PROSER1: variants seen among roughly 807,000 people sequenced by gnomAD.
PROSER1 encodes proline and serine-rich protein 1.
PROSER1 carries 36 observed loss-of-function variants against 71.8 expected under a neutral mutation model. The ratio of observed to expected loss-of-function variants is 0.50; its 90% CI spans 0.38 to 0.66. The LOEUF (loss-of-function observed/expected upper bound fraction) is 0.66, where lower values mean the gene tolerates loss of function less well. Ranked by LOEUF, PROSER1 falls within the 30% of genes least tolerant of loss-of-function variation. PROSER1 has a pLI of 0.00. For missense variants in PROSER1, 1,107 were observed against 1,135.0 expected (o/e 0.98, Z 0.35); for synonymous variants, 490 against 452.4 (o/e 1.08, Z -1.06).
intron 4 of PROSER1, 111 bp downstream of exon 4, chr13:39,029,170 G>T: frequency 1.7e-6 from 1 of 603,980 alleles, no homozygotes. Flanking sequence ...GTACCACTAT[G>T]CTTTTGACTG....
At chr13:39,031,655 CT>C in intron 2 of PROSER1, 24 bp from the exon 3 acceptor site, 1 of 1,590,634 alleles carries the variant, frequency 6.3e-7, no homozygotes, top group Non-Finnish European at 8.6e-7. Flanking sequence ...ACTAACAGCT[CT>C]AATGACAGCA....
chr13:39,023,360 A>T (rs1460560939), intron 7 of PROSER1: 1 of 435,064 alleles, frequency 2.3e-6, no homozygotes, highest in Non-Finnish European at 4.2e-6. Flanking sequence ...GTGGCCAGAG[A>T]TTTTTAAAAT....
intron 8 of PROSER1, chr13:39,022,637 G>A: frequency 2.1e-6 from 1 of 487,166 alleles, no homozygotes; most frequent in Non-Finnish European, 3.7e-6. Context: ...CATGCTCATT[G>A]CAGGGATAAG....
chr13:39,028,041 C>G (rs1249763124), intron 5 of PROSER1, among the ~76,000 whole-genome samples, 186 bp downstream of exon 5: 2 of 152,140 alleles, frequency 1.3e-5, no homozygotes, highest in African/African-American at 4.8e-5. Flanking sequence ...CCATCTCCTC[C>G]CCCTTGAATG....
chr13:39,018,436 T>C (rs1870108655), intron 9 of PROSER1, among the ~76,000 whole-genome samples: 1 of 146,386 alleles, frequency 6.8e-6, no homozygotes, highest in African/African-American at 2.5e-5. Context: ...ACCAGAACAA[T>C]GGAGATTTAA....
intron 3 of PROSER1, among the ~76,000 whole-genome samples, chr13:39,029,774 T>C (rs1870745643): frequency 6.6e-6 from 1 of 152,150 alleles, no homozygotes; most frequent in Non-Finnish European, 1.5e-5. Context: ...GAGGGCTAAG[T>C]ATGCCACAGA....
intron 4 of PROSER1, chr13:39,028,974 T>TTG (rs2138128142): frequency 5.2e-6 from 1 of 191,994 alleles, no homozygotes; most frequent in South Asian, 1.9e-4. Context: ...AAAAAAATTA[T>TTG]TGTGTCAGTA....
rs1871227399 is a variant in PROSER1, at chr13:39,037,893, G to C, written c.-651C>G. 6.6e-6 allele frequency: 1 copy of C among 152,596 alleles called. No individual in the cohort carries two copies. The highest frequency in any genetic ancestry group is 1.5e-5 in the Non-Finnish European group (1 of 68,362). 9.5% of individuals were successfully genotyped at this position (152,596 alleles called of 1,614,324 possible). A position where few individuals can be genotyped will look rare whatever the true frequency, so the allele number is the denominator to read the frequency against. On this transcript the variant is annotated 5_prime_UTR_variant, in exon 1 of 13. Transcript: ENST00000352251. ...TGCAGCTTCCGGGAGCGGGCCGGCGGCTGGGGAGCACCAGGAGCCGGGCGA... is the reference window on the plus strand; with the variant it reads ...TGCAGCTTCCGGGAGCGGGCCGGCGCCTGGGGAGCACCAGGAGCCGGGCGA...
intron 10 of PROSER1, among the ~76,000 whole-genome samples, chr13:39,016,384 G>C (rs1267524030): frequency 6.6e-6 from 1 of 152,166 alleles, no homozygotes; most frequent in Non-Finnish European, 1.5e-5. Context: ...AGATCATGCA[G>C]CTACTACATG....
Position 39,010,743 on chromosome 13 carries a change from A to C in PROSER1, c.*622T>G, listed in dbSNP as rs1869601907. 6.6e-6 allele frequency: 1 copy of C among 152,648 alleles called. No homozygotes were observed. Among genetic ancestry groups the C allele is most frequent in the Non-Finnish European group, 1.5e-5 (1 of 68,042 alleles). The allele number at this position is 152,648 out of a possible 1,614,324, so 9.5% of individuals were successfully genotyped here. On this transcript the variant is annotated 3_prime_UTR_variant, in exon 13 of 13. Coordinates refer to ENST00000352251, the MANE Select transcript of PROSER1 (RefSeq NM_025138.5). The stretch of plus-strand genomic sequence containing the variant: ...GTTCTGGATATATACTTTCAGTTGA[A>C]AACACCTGAAAGTCATTCTATAGTC...
intron 1 of PROSER1, among the ~76,000 whole-genome samples, chr13:39,035,919 T>C (rs1206800678): frequency 6.6e-6 from 1 of 152,226 alleles, no homozygotes; most frequent in East Asian, 1.9e-4. Flanking sequence ...TGACCAGAAA[T>C]ACAGACTTAA....
At position 39,012,167 on chromosome 13, in the gene PROSER1, G is replaced by A; in HGVS notation, c.2628C>T (p.Ile876=). The change falls in exon 12 of 13, where the codon ATC becomes ATT. Residue 876 remains isoleucine (I), a synonymous_variant. Transcript: ENST00000352251. ...VFPGLLSLPG[I]PGFPQNPSQS... is the part of the protein sequence containing the mutation. ...GTGAAGGATTCTGAGGAAACCCAGG[G>A]ATACCCGGGAGGGACAAAAGGCCTG... 6.2e-7 allele frequency: 1 copy of A among 1,613,964 alleles called. No individual in the cohort carries two copies.
In PROSER1 at chr13:39,038,076, G is replaced by T. The variant is rs998795487; in HGVS notation, c.-834C>A. ...AACTCAACACTGCGCCGCCAGCTTG[G>T]GCCCCTCTTTCCTGAAAGCCAGAGG... On this transcript the variant is annotated 5_prime_UTR_variant, in exon 1 of 13. Transcript: ENST00000352251. The T allele has an allele frequency of 6.5e-6, 1 of 153,890 alleles. No individual in the cohort carries two copies. Among genetic ancestry groups the T allele is most frequent in the Admixed American group, 6.5e-5 (1 of 15,494 alleles). The allele number at this position is 153,890 out of a possible 1,614,324, so 9.5% of individuals were successfully genotyped here.
intron 6 of PROSER1, 59 bp from the exon 7 acceptor site, chr13:39,024,615 A>G: frequency 8.6e-7 from 1 of 1,167,904 alleles, no homozygotes; most frequent in South Asian, 1.4e-5. Context: ...TCAAACCAGT[A>G]ACAATAACCA....
At chr13:39,017,324 T>C (rs1455290126) in intron 10 of PROSER1, among the ~76,000 whole-genome samples, 176 bp downstream of exon 10, 1 of 152,244 alleles carries the variant, frequency 6.6e-6, no homozygotes, top group Non-Finnish European at 1.5e-5. Context: ...GCATTTCATG[T>C]TATGTATATA....
rs1870637344 is a variant in PROSER1 at position 39,028,209 on chromosome 13, C to G, written c.369+18G>C. ...AAAAACCAGCGTACCAAGTACATGA[C>G]AATCTTTAGAAAACTACCTGTTCAA... On this transcript the variant is annotated intron_variant, in intron 5 of 12. Coordinates refer to ENST00000352251, the MANE Select transcript of PROSER1 (RefSeq NM_025138.5). 1 of 1,378,082 alleles carries G rather than the reference C, an allele frequency of 7.3e-7. No individual in the cohort carries two copies. The highest frequency in any genetic ancestry group is 1.4e-5 in the African/African-American group (1 of 70,038). 85.4% of individuals were successfully genotyped at this position (1,378,082 alleles called of 1,614,324 possible).
In PROSER1 at chr13:39,011,250, A is replaced by T. The variant is rs189107412; in HGVS notation, c.*115T>A. On this transcript the variant is annotated 3_prime_UTR_variant, in exon 13 of 13. Transcript: ENST00000352251. The stretch of plus-strand genomic sequence containing the variant: ...AAATTGTTGTCACAATTTCTCCAGG[A>T]TTACCCTCATTCTCATTTTCCGACT... 9.6e-7 allele frequency: 1 copy of T among 1,037,374 alleles called. No homozygotes were observed. The highest frequency in any genetic ancestry group is 2.4e-5 in the East Asian group (1 of 41,132). 64.3% of individuals were successfully genotyped at this position (1,037,374 alleles called of 1,614,324 possible). A position where few individuals can be genotyped will look rare whatever the true frequency, so the allele number is the denominator to read the frequency against.
intron 1 of PROSER1, among the ~76,000 whole-genome samples, chr13:39,036,436 A>G (rs887172196): frequency 1.3e-5 from 2 of 152,184 alleles, no homozygotes; most frequent in African/African-American, 2.4e-5. Context: ...CGAAAGAATA[A>G]TTGCCCGGAA....
chr13:39,029,247 TAAA>T (rs34146778), intron 4 of PROSER1, 31 bp downstream of exon 4: 19,655 of 721,454 alleles, frequency 0.027, no homozygotes, highest in Non-Finnish European at 0.03. Flanking sequence ...TTTTCCCAAG[TAAA>T]AAAAAAAAAA....
Sources: allele counts gnomAD v4.1 joint callset (sites outside exome capture counted in the v4.1 genomes callset), GRCh38; gene constraint gnomAD v4.1.1; transcripts MANE v1.5; gene names NCBI Gene and HGNC (gene_info 2026-07-23, HGNC 2026-07-21).